The following NLGN4X variants were observed in gnomAD, a reference collection of about 807,000 sequenced individuals.
The protein encoded by NLGN4X is neuroligin-4, X-linked.
A neutral mutation model predicts 40.3 loss-of-function variants in NLGN4X; 3 were observed. That is an observed-to-expected ratio of 0.07 (90% CI 0.03 to 0.19). The LOEUF is 0.19. NLGN4X is among the 10% of genes least tolerant of loss of function. NLGN4X has a pLI of 1.00. For missense variants in NLGN4X, 382 were observed against 708.3 expected (o/e 0.54, Z 5.23); for synonymous variants, 270 against 306.8 (o/e 0.88, Z 1.25).
rs188663918 is a variant in NLGN4X, at chrX:6,167,746, T to C, written c.-305-15975A>G. The stretch of plus-strand genomic sequence containing the variant: ...CCCACATCCCAAGTCCAAGAAAAAA[T>C]AGGATGAAAGGATCAACGTTATAGA... On this transcript the variant is annotated intron_variant, in intron 1 of 5. Coordinates refer to ENST00000381095, the MANE Select transcript of NLGN4X (RefSeq NM_181332.3). 6.3e-5 allele frequency among the ~76,000 whole-genome samples: 7 copies of C among 111,397 alleles called. No homozygotes were observed. In the East Asian group the frequency reaches 2.0e-3, roughly 32 times the overall value.
At position 5,908,458 on chromosome X, in the gene NLGN4X, T is replaced by G. The variant is rs146612501; in HGVS notation, c.811+596A>C. 1.8e-3 allele frequency among the ~76,000 whole-genome samples: 204 copies of G among 111,818 alleles called. 1 individual carries two copies. Among genetic ancestry groups the G allele is most frequent in the African/African-American group, 4.7e-3 (144 of 30,758 alleles). ...TCGACATACTGTCTCTCTTCCATAC[T>G]ACTTTTACTAAGTTGTAGCTAGAAG... is the stretch of plus-strand genomic sequence containing the variant. On this transcript the variant is annotated intron_variant, in intron 4 of 5. Coordinates refer to ENST00000381095, the MANE Select transcript of NLGN4X (RefSeq NM_181332.3).
intron 2 of NLGN4X, among the ~76,000 whole-genome samples, chrX:6,103,475 G>A (rs754285283): frequency 9.7e-4 from 109 of 112,187 alleles, no homozygotes; most frequent in Admixed American, 3.8e-3. Context: ...GGGATGAGAT[G>A]GAAATCACAG....
chrX:6,142,733 G>A (rs955241270), intron 2 of NLGN4X, among the ~76,000 whole-genome samples: 1 of 112,028 alleles, frequency 8.9e-6, no homozygotes, highest in South Asian at 3.7e-4. Context: ...GCCTTTTCAC[G>A]GTTTAAGGAA....
intron 2 of NLGN4X, among the ~76,000 whole-genome samples, chrX:6,094,751 G>C (rs1437224244): frequency 9.0e-6 from 1 of 111,610 alleles, no homozygotes; most frequent in Admixed American, 9.5e-5. Flanking sequence ...AGGATCTGCT[G>C]CAGGTTATCG....
intron 3 of NLGN4X, among the ~76,000 whole-genome samples, chrX:6,021,002 TTCTCTCTCTCTCTCTC>T (rs869309615): frequency 2.9e-4 from 7 of 24,122 alleles, no homozygotes; most frequent in Non-Finnish European, 4.4e-4. Flanking sequence ...CTTCCTTCTT[TTCTCTCTCTCTCTCTC>T]TCTCTCTCTC....
Position 6,219,009 on chromosome X carries a change from A to T in NLGN4X, c.-306+9532T>A, listed in dbSNP as rs760899406. ...GGGAGTTCTTATACTTTTTCAAGAA[A>T]TAATATATAGTAAAATCCATATACA... On this transcript the variant is annotated intron_variant, in intron 1 of 5. Transcript: ENST00000381095. 2.5e-4 allele frequency among the ~76,000 whole-genome samples: 9 copies of T among 36,111 alleles called. No individual in the cohort carries two copies. In the Admixed American group the frequency reaches 2.7e-3, roughly 11 times the overall value. 31.4% of individuals were successfully genotyped at this position (36,111 alleles called of 115,157 possible).
rs1186915417 is a variant in NLGN4X at position 6,056,216 on chromosome X, C to T, written c.473-26784G>A. Among the ~76,000 whole-genome samples the T allele has an allele frequency of 2.7e-5, 3 of 111,957 alleles. No homozygotes were observed. The East Asian group carries it at 8.5e-4, about 32-fold the overall frequency. On this transcript the variant is annotated intron_variant, in intron 2 of 5. Transcript: ENST00000381095. ...ACAGGCCAGGGGTGGTGGCTCACAC[C>T]TGTAATCCCAGCATTTTGGGAGGCC...
intron 3 of NLGN4X, among the ~76,000 whole-genome samples, chrX:6,018,183 CAT>C (rs1434111841): frequency 4.5e-5 from 5 of 111,064 alleles, no homozygotes; most frequent in Non-Finnish European, 7.5e-5. Context: ...TGTATACACA[CAT>C]AGATTATACA....
intron 2 of NLGN4X, among the ~76,000 whole-genome samples, chrX:6,143,026 T>C (rs184617464): frequency 7.1e-5 from 8 of 112,386 alleles, no homozygotes; most frequent in African/African-American, 2.6e-4. Context: ...CAACATTTAT[T>C]ATGCCTAGAC....
At chrX:6,186,695 C>T (rs771385147) in intron 1 of NLGN4X, 8 of 111,704 alleles carry the variant, frequency 7.2e-5, no homozygotes, top group Admixed American at 5.7e-4. Context: ...CCTTAAAAAT[C>T]ATGTTAAAAG....
chrX:5,956,576 T>C (rs12014240), intron 3 of NLGN4X, among the ~76,000 whole-genome samples: 1,533 of 111,344 alleles, frequency 0.014, 20 homozygotes, highest in African/African-American at 0.047. Context: ...TTGCCTGAAA[T>C]GTGTAGAATT....
chrX:5,903,506 G>A lies in NLGN4X; in HGVS notation c.1172C>T (p.Thr391Met), dbSNP rs761689770. Residue 391 changes from threonine to methionine, a missense_variant, in exon 5 of 6, where the codon ACG (threonine) becomes ATG (methionine). Physicochemically the swap from Thr to Met is moderately conservative, Grantham distance 81. Around this residue, in one of 5 missense-constraint regions of NLGN4X, gnomAD observed 149 missense variants for 375.8 expected, o/e 0.40. Coordinates refer to ENST00000381095, the MANE Select transcript of NLGN4X (RefSeq NM_181332.3). ...CACGGAGAAGTCAAAGTCGTTGGGC[G>A]TCACACCGTCCTCGTTATCCACGAT... is the stretch of plus-strand genomic sequence containing the variant. ...DGIVDNEDGV[T>M]PNDFDFSVSN... The A allele has an allele frequency of 1.4e-5, 17 of 1,207,964 alleles. No homozygotes were observed. Among genetic ancestry groups the A allele is most frequent in the Admixed American group, 4.4e-5 (2 of 45,739 alleles).
At chrX:6,224,303 C>T (rs977574882) in intron 1 of NLGN4X, among the ~76,000 whole-genome samples, 1 of 112,070 alleles carries the variant, frequency 8.9e-6, no homozygotes, top group African/African-American at 3.2e-5. Context: ...CCCTCGTGCA[C>T]TTGAATGTTT....
chrX:6,132,849 T>C (rs778821275), intron 2 of NLGN4X, among the ~76,000 whole-genome samples: 85 of 111,011 alleles, frequency 7.7e-4, no homozygotes, highest in African/African-American at 2.5e-3. Flanking sequence ...CTAGCACACT[T>C]GGCTCACTGA....
At chrX:6,059,284 C>T (rs1315260799) in intron 2 of NLGN4X, among the ~76,000 whole-genome samples, 2 of 111,803 alleles carry the variant, frequency 1.8e-5, no homozygotes, top group Non-Finnish European at 3.8e-5. Context: ...AGAAGCGAAG[C>T]CAAACAGCCA....
intron 3 of NLGN4X, among the ~76,000 whole-genome samples, chrX:5,998,077 C>T (rs1238066572): frequency 9.0e-6 from 1 of 111,464 alleles, no homozygotes; most frequent in African/African-American, 3.3e-5. Flanking sequence ...GGTATGCTCT[C>T]TCTTGTTTAG....
At chrX:6,127,855 T>G (rs772740360) in intron 2 of NLGN4X, among the ~76,000 whole-genome samples, 1 of 112,446 alleles carries the variant, frequency 8.9e-6, no homozygotes, top group East Asian at 2.8e-4. Context: ...AAAAATATGT[T>G]GATGGCATTT....
chrX:6,205,465 A>C (rs917929505), intron 1 of NLGN4X, among the ~76,000 whole-genome samples: 25 of 112,373 alleles, frequency 2.2e-4, no homozygotes, highest in Non-Finnish European at 7.5e-5. Flanking sequence ...GGGTCGCATT[A>C]ATCCAATTTC....
chrX:6,213,750 A>G (rs1924822957), intron 1 of NLGN4X, among the ~76,000 whole-genome samples: 1 of 112,396 alleles, frequency 8.9e-6, no homozygotes, highest in African/African-American at 3.2e-5. Flanking sequence ...TCAGTGGAAC[A>G]ATTCTGCTGG....
Sources: gnomAD v4.1 joint callset for allele counts (sites outside exome capture counted in the v4.1 genomes callset) on GRCh38, gnomAD v4.1.1 for gene constraint, gnomAD v4.1.1 regional missense constraint, MANE v1.5 for transcripts, NCBI Gene and HGNC (gene_info 2026-07-23, HGNC 2026-07-21) for gene names.